MROH2B: variants seen among roughly 807,000 people sequenced by gnomAD.
MROH2B encodes maestro heat like repeat family member 2B.
In MROH2B, 177 loss-of-function variants were observed where a neutral mutation model predicts 208.6. The observed-to-expected ratio is 0.85, with a 90% CI of 0.75 to 0.96. The LOEUF is 0.96. Among genes scored for constraint, MROH2B ranks in the 40% least tolerant of loss-of-function variants. The pLI, the probability that MROH2B is intolerant of heterozygous loss-of-function variation, is 0.00. For synonymous variants in MROH2B, 728 were observed against 659.0 expected, an observed-to-expected ratio of 1.10 and a Z score of -1.60; for missense variants, 2,002 against 1,878.7, an observed-to-expected ratio of 1.07 and a Z score of -1.21.
Position 41,004,360 on chromosome 5 carries a change from T to C in MROH2B, c.4180A>G (p.Thr1394Ala), listed in dbSNP as rs1464359078. 14 of 1,613,144 alleles carry C rather than the reference T, an allele frequency of 8.7e-6. No homozygotes were observed. Among genetic ancestry groups the C allele is most frequent in the Non-Finnish European group, 1.1e-5 (13 of 1,179,678 alleles). The part of the protein sequence containing the change: ...YFKEIVLQTR[T>A]FFEDEQDDVR... ...GGCTCACTTACATCTTCAAAGAAGGTCCTTGTTTGCAGCACTATTTCCTTG... is the reference window on the plus strand; with the variant it reads ...GGCTCACTTACATCTTCAAAGAAGGCCCTTGTTTGCAGCACTATTTCCTTG... The change falls in exon 37 of 42, where the codon ACC becomes GCC. Residue 1394 changes from threonine to alanine, a missense_variant. Transcript: ENST00000399564.
At chr5:41,020,646 AT>A (rs34681835) in intron 24 of MROH2B, among the ~76,000 whole-genome samples, 29,429 of 151,772 alleles carry the variant, frequency 0.19, 3,146 homozygotes, top group South Asian at 0.33. Flanking sequence ...AAGTTCAGAA[AT>A]TTTTTTTTGC....
intron 17 of MROH2B, among the ~76,000 whole-genome samples, 161 bp downstream of exon 17, chr5:41,047,560 C>T (rs1743159091): frequency 6.6e-6 from 1 of 152,248 alleles, no homozygotes; most frequent in African/African-American, 2.4e-5. Context: ...ATTTAAAGAA[C>T]ATTATCCTTG....
At chr5:41,044,939 C>G (rs1231781406) in intron 18 of MROH2B, among the ~76,000 whole-genome samples, 3 of 152,076 alleles carry the variant, frequency 2.0e-5, no homozygotes, top group Non-Finnish European at 2.9e-5. Context: ...CTCATTGAAC[C>G]CTCAGAATAC....
At chr5:41,035,329 A>G (rs555494826) in intron 21 of MROH2B, among the ~76,000 whole-genome samples, 1 of 152,254 alleles carries the variant, frequency 6.6e-6, no homozygotes, top group South Asian at 2.1e-4. Context: ...CAAAAAAGCA[A>G]TAGGAAAAGG....
At chr5:41,056,508 G>T (rs1270379862) in intron 9 of MROH2B, among the ~76,000 whole-genome samples, 1 of 152,062 alleles carries the variant, frequency 6.6e-6, no homozygotes, top group Non-Finnish European at 1.5e-5. Flanking sequence ...AGGAGGTATT[G>T]GATTGCTGCT....
chr5:41,029,869 C>A (rs1340207525), intron 24 of MROH2B, among the ~76,000 whole-genome samples: 3 of 151,996 alleles, frequency 2.0e-5, no homozygotes. Context: ...ATGCTCACTA[C>A]CTGGGTGACA....
At chr5:41,018,069 A>T (rs879252856) in intron 27 of MROH2B, 99 bp from the exon 28 acceptor site, 6 of 1,425,988 alleles carry the variant, frequency 4.2e-6, no homozygotes, top group Middle Eastern at 1.8e-4. Flanking sequence ...TTCTCTCTGC[A>T]GGTCCTTAGA....
At chr5:41,009,148 A>T (rs1406671656) in intron 32 of MROH2B, 132 bp downstream of exon 32, 1 of 1,275,148 alleles carries the variant, frequency 7.8e-7, no homozygotes, top group Admixed American at 2.4e-5. Flanking sequence ...CACAACTATA[A>T]ACTGGAGTAA....
At chr5:41,007,751 G>T (rs540705841) in intron 33 of MROH2B, among the ~76,000 whole-genome samples, 55 of 152,248 alleles carry the variant, frequency 3.6e-4, no homozygotes, top group South Asian at 3.5e-3. Context: ...TCTAAAACAC[G>T]ATCTCTGAAA....
chr5:41,001,804 A>G (rs2111791277), intron 37 of MROH2B, among the ~76,000 whole-genome samples: 1 of 152,280 alleles, frequency 6.6e-6, no homozygotes, highest in African/African-American at 2.4e-5. Context: ...GTTACGTTTC[A>G]GAGTTCCGAC....
Position 41,061,639 on chromosome 5 carries a change from C to T in MROH2B, c.546G>A (p.Leu182=). ...FPYPRLDANR[L]SDKIFMLFWY... is the part of the protein sequence containing the mutation. Reference sequence around the variant, plus strand: ...AGAACAGCATGAAGATCTTGTCAGACAGTCGGTTGGCATCCAGTCTGGGGT... The same window carrying T: ...AGAACAGCATGAAGATCTTGTCAGATAGTCGGTTGGCATCCAGTCTGGGGT... Residue 182 remains leucine, a synonymous_variant, in exon 6 of 42, where the codon CTG becomes CTA. Transcript: ENST00000399564. 1 of 1,613,950 alleles carries T rather than the reference C, an allele frequency of 6.2e-7. No individual in the cohort carries two copies. Among genetic ancestry groups the T allele is most frequent in the Non-Finnish European group, 8.5e-7 (1 of 1,179,836 alleles).
chr5:41,046,904 A>G (rs921706090), intron 17 of MROH2B, among the ~76,000 whole-genome samples: 4 of 152,142 alleles, frequency 2.6e-5, no homozygotes, highest in Non-Finnish European at 5.9e-5. Flanking sequence ...TATACTGGAT[A>G]AGAATCACTG....
intron 37 of MROH2B, among the ~76,000 whole-genome samples, chr5:41,002,128 C>A (rs952055873): frequency 2.0e-5 from 3 of 151,868 alleles, no homozygotes; most frequent in Admixed American, 6.6e-5. Context: ...AGGAAGCTAA[C>A]CAAAAACAAG....
In MROH2B at chr5:41,061,567, C is replaced by A. The variant is rs779383619; in HGVS notation, c.615+3G>T. On this transcript the variant is annotated splice_donor_region_variant and intron_variant, in intron 6 of 41. Transcript: ENST00000399564. The stretch of plus-strand genomic sequence containing the variant: ...AGCTTGAGGCATCCTGAGGCCCACT[C>A]ACCTGCATGGGTGAGGCCAAAGGGG... The A allele has an allele frequency of 6.2e-7, 1 of 1,608,376 alleles. No homozygotes were observed. The highest frequency in any genetic ancestry group is 2.2e-5 in the East Asian group (1 of 44,682).
chr5:41,037,904 C>G (rs566768554), intron 21 of MROH2B, among the ~76,000 whole-genome samples: 5 of 152,240 alleles, frequency 3.3e-5, no homozygotes, highest in African/African-American at 1.2e-4. Flanking sequence ...TATTTGTCAG[C>G]AAAATGGGTG....
intron 18 of MROH2B, among the ~76,000 whole-genome samples, chr5:41,043,652 G>T (rs1743028655): frequency 1.3e-5 from 2 of 152,178 alleles, no homozygotes; most frequent in Non-Finnish European, 2.9e-5. Context: ...AGAAAATGTG[G>T]TAGAGTGCAA....
At chr5:41,040,793 G>A (rs570308956) in intron 19 of MROH2B, among the ~76,000 whole-genome samples, 14 of 152,084 alleles carry the variant, frequency 9.2e-5, no homozygotes, top group African/African-American at 3.1e-4. Flanking sequence ...AGCCTCCCGA[G>A]TAGCTGGGAT....
At chr5:41,029,793 C>T (rs56149606) in intron 24 of MROH2B, among the ~76,000 whole-genome samples, 6,011 of 152,004 alleles carry the variant, frequency 0.04, 175 homozygotes, top group Non-Finnish European at 0.061. Flanking sequence ...TTCTGTGCAT[C>T]TCGGGAATAC....
intron 30 of MROH2B, among the ~76,000 whole-genome samples, chr5:41,011,773 T>C (rs897526492): frequency 6.6e-6 from 1 of 152,086 alleles, no homozygotes; most frequent in Non-Finnish European, 1.5e-5. Flanking sequence ...GTTCAAGTGA[T>C]TCTCCTGCCT....
Sources: allele counts gnomAD v4.1 joint callset (sites outside exome capture counted in the v4.1 genomes callset), GRCh38; gene constraint gnomAD v4.1.1; transcripts MANE v1.5; gene names NCBI Gene and HGNC (gene_info 2026-07-23, HGNC 2026-07-21).